The following COMMD6 variants were observed in gnomAD, a reference collection of about 807,000 sequenced individuals.
The protein encoded by COMMD6 is COMM domain containing 6, also known as COMM domain-containing protein 6.
COMMD6 carries 11 observed loss-of-function variants against 13.4 expected under a neutral mutation model. That is an observed-to-expected ratio of 0.82 (90% CI 0.52 to 1.36). The LOEUF (loss-of-function observed/expected upper bound fraction) is 1.36, where lower values mean the gene tolerates loss of function less well. COMMD6 is among the 40% of genes most tolerant of loss of function. COMMD6 has a pLI of 0.00. For missense variants in COMMD6, 124 were observed against 102.4 expected (o/e 1.21, Z -0.91); for synonymous variants, 43 against 36.5 (o/e 1.18, Z -0.64).
At chr13:75,535,547 T>C (rs2030636272) in intron 2 of COMMD6, among the ~76,000 whole-genome samples, 1 of 152,156 alleles carries the variant, frequency 6.6e-6, no homozygotes, top group East Asian at 1.9e-4. Flanking sequence ...GATCTGATTG[T>C]ATGTCAGGTG....
At chr13:75,543,927 A>C (rs2030861889) in intron 1 of COMMD6, among the ~76,000 whole-genome samples, 1 of 152,242 alleles carries the variant, frequency 6.6e-6, no homozygotes, top group Non-Finnish European at 1.5e-5. Context: ...CTAGCTAATA[A>C]GTAAAACTTA....
At chr13:75,545,941 AC>A (rs1199128486) in intron 1 of COMMD6, among the ~76,000 whole-genome samples, 1 of 152,200 alleles carries the variant, frequency 6.6e-6, no homozygotes, top group African/African-American at 2.4e-5. Flanking sequence ...CAATAGGGTG[AC>A]TATAGTCAAT....
At position 75,527,853 on chromosome 13, in the gene COMMD6, TG is replaced by T. The variant is rs767208614; in HGVS notation, c.208-1215del. ...ACTGGAGGTTGCCAGGAGCTGAGGCTGGGGGTCAATGGGGAAATGTTAGTAA... is the reference window on the plus strand; with the variant it reads ...ACTGGAGGTTGCCAGGAGCTGAGGCTGGGGTCAATGGGGAAATGTTAGTAA... On this transcript the variant is annotated intron_variant, in intron 3 of 3. Coordinates refer to ENST00000682242, the MANE Select transcript of COMMD6 (RefSeq NM_203495.4). 5 of 1,499,792 alleles carry T rather than the reference TG, an allele frequency of 3.3e-6. No homozygotes were observed. The African/African-American group carries it at 4.3e-5, about 13-fold the overall frequency. 92.9% of individuals were successfully genotyped at this position (1,499,792 alleles called of 1,614,324 possible).
At chr13:75,548,909 C>T (rs2030967281) in intron 1 of COMMD6, among the ~76,000 whole-genome samples, 1 of 152,204 alleles carries the variant, frequency 6.6e-6, no homozygotes. Context: ...ACCTCTACAG[C>T]ATCACCTCTA....
chr13:75,530,035 C>A (rs945202643), intron 3 of COMMD6, 79 bp downstream of exon 3: 5 of 1,160,344 alleles, frequency 4.3e-6, no homozygotes, highest in Non-Finnish European at 6.2e-6. Flanking sequence ...AAAGTTTTCC[C>A]GTAGAAAGAT....
chr13:75,540,681 G>A (rs772031468), upstream of COMMD6, among the ~76,000 whole-genome samples: 2 of 152,134 alleles, frequency 1.3e-5, no homozygotes, highest in Admixed American at 6.5e-5. Flanking sequence ...AAATACAGAT[G>A]TTATCAATAG....
chr13:75,541,600 T>G (rs2030824975), upstream of COMMD6, among the ~76,000 whole-genome samples: 1 of 152,058 alleles, frequency 6.6e-6, no homozygotes. Context: ...TTTGCCCATG[T>G]TGCCTGCTGT....
intron 2 of COMMD6, 165 bp downstream of exon 2, chr13:75,537,499 C>A (rs751748995): frequency 6.4e-7 from 1 of 1,557,260 alleles, no homozygotes; most frequent in African/African-American, 1.4e-5. Flanking sequence ...CAACGGCTAC[C>A]GGCTCAGGTG....
Position 75,530,095 on chromosome 13 carries a change from G to T in COMMD6, c.207+19C>A. On this transcript the variant is annotated intron_variant, in intron 3 of 3. Coordinates refer to ENST00000682242, the MANE Select transcript of COMMD6 (RefSeq NM_203495.4). Reference sequence around the variant, plus strand: ...TTACAGAAAAGCTGAGCTAAAACTGGATGAGTTAAATCACAAACCTGAAAC... The same window carrying T: ...TTACAGAAAAGCTGAGCTAAAACTGTATGAGTTAAATCACAAACCTGAAAC... 6.3e-7 allele frequency: 1 copy of T among 1,594,488 alleles called. No homozygotes were observed. Among genetic ancestry groups the T allele is most frequent in the Non-Finnish European group, 8.6e-7 (1 of 1,167,176 alleles).
At chr13:75,539,279 C>T (rs1446601130), upstream of COMMD6, among the ~76,000 whole-genome samples, 1 of 151,600 alleles carries the variant, frequency 6.6e-6, no homozygotes, top group Admixed American at 6.6e-5. Context: ...CACTCTGTCA[C>T]CCAGACTGGA....
chr13:75,537,838 A>G lies in COMMD6; in HGVS notation c.-33T>C, dbSNP rs1338525484. ...GTCTGGGACTTGCGGCCCGGACTCG[A>G]GAGAACGCCCCCAGACCAGCGCTTC... is the stretch of plus-strand genomic sequence containing the variant. On this transcript the variant is annotated 5_prime_UTR_variant, in exon 1 of 4. Transcript: ENST00000682242. 3 of 1,573,308 alleles carry G rather than the reference A, an allele frequency of 1.9e-6. No individual in the cohort carries two copies. Among genetic ancestry groups the G allele is most frequent in the African/African-American group, 2.7e-5 (2 of 74,086 alleles).
chr13:75,540,579 T>C (rs1276139608), upstream of COMMD6, among the ~76,000 whole-genome samples: 1 of 152,214 alleles, frequency 6.6e-6, no homozygotes, highest in Non-Finnish European at 1.5e-5. Context: ...GGGCAATCTC[T>C]GCCAATTGTT....
intron 3 of COMMD6, among the ~76,000 whole-genome samples, chr13:75,528,501 A>G (rs1453994063): frequency 3.3e-5 from 5 of 152,300 alleles, no homozygotes; most frequent in African/African-American, 1.2e-4. Context: ...CAAAGCACGG[A>G]TATCTATTTT....
At chr13:75,539,763 C>T (rs988210775), upstream of COMMD6, among the ~76,000 whole-genome samples, 1 of 152,080 alleles carries the variant, frequency 6.6e-6, no homozygotes, top group African/African-American at 2.4e-5. Context: ...ATGTAGCACT[C>T]GGAAACTAGG....
intron 1 of COMMD6, among the ~76,000 whole-genome samples, chr13:75,546,664 T>C (rs1053268924): frequency 3.3e-5 from 5 of 152,236 alleles, no homozygotes; most frequent in Admixed American, 3.3e-4. Flanking sequence ...AAAATTATAC[T>C]GTCAATGCTA....
intron 2 of COMMD6, among the ~76,000 whole-genome samples, chr13:75,535,242 G>T (rs1241983150): frequency 1.3e-5 from 2 of 152,222 alleles, no homozygotes; most frequent in African/African-American, 4.8e-5. Context: ...CATGAGCTAG[G>T]AAGAGTGGTA....
chr13:75,538,870 G>A (rs1452305734), upstream of COMMD6: 1 of 149,120 alleles, frequency 6.7e-6, no homozygotes. Context: ...GTTCCTCAAT[G>A]AAGGTTCCGG....
chr13:75,529,578 ACCT>A (rs964866342), intron 3 of COMMD6: 2 of 146,188 alleles, frequency 1.4e-5, no homozygotes, highest in Non-Finnish European at 3.0e-5. Flanking sequence ...CCTCCCCCCC[ACCT>A]TTTATTCCTC....
intron 2 of COMMD6, among the ~76,000 whole-genome samples, chr13:75,531,168 G>A (rs1328494513): frequency 1.3e-5 from 2 of 152,254 alleles, no homozygotes; most frequent in Non-Finnish European, 1.5e-5. Context: ...TCTTGGAAAA[G>A]TTAGGATTTT....
Sources: gnomAD v4.1 joint callset for allele counts (sites outside exome capture counted in the v4.1 genomes callset) on GRCh38, gnomAD v4.1.1 for gene constraint, MANE v1.5 for transcripts, NCBI Gene and HGNC (gene_info 2026-07-23, HGNC 2026-07-21) for gene names.